The following TMCC3 variants were observed in gnomAD, a reference collection of about 807,000 sequenced individuals.
TMCC3 encodes the protein transmembrane and coiled-coil domain family 3.
A neutral mutation model predicts 40.2 loss-of-function variants in TMCC3; 28 were observed. The ratio of observed to expected loss-of-function variants is 0.70; its 90% CI spans 0.52 to 0.95. The LOEUF is 0.95. Among genes scored for constraint, TMCC3 ranks in the 40% least tolerant of loss-of-function variants. The pLI is 0.00. For missense variants in TMCC3, 554 were observed against 615.2 expected (o/e 0.90, Z 1.05); for synonymous variants, 255 against 248.5 (o/e 1.03, Z -0.25).
chr12:94,645,360 T>G (rs950982610), intron 1 of TMCC3, among the ~76,000 whole-genome samples: 28 of 152,336 alleles, frequency 1.8e-4, no homozygotes, highest in Admixed American at 1.6e-3. Flanking sequence ...CACAAATCCC[T>G]CTTTCATATA....
rs544630403 is a variant in TMCC3 at position 94,625,669 on chromosome 12, CCA to C, written c.78+24682_78+24683del. On this transcript the variant is annotated intron_variant, in intron 1 of 3. Coordinates refer to ENST00000261226, the MANE Select transcript of TMCC3 (RefSeq NM_020698.4). Reference sequence around the variant, plus strand: ...AGTCTCACCGTGAACGAAGGTGTCACCACACACAATTTTTCTAACAGAAAAGT... The same window carrying C: ...AGTCTCACCGTGAACGAAGGTGTCACCACACAATTTTTCTAACAGAAAAGT... Among the ~76,000 whole-genome samples the C allele has an allele frequency of 3.0e-3, 449 of 151,570 alleles. 8 individuals are homozygous for C. The highest frequency in any genetic ancestry group is 0.01 in the African/African-American group (425 of 41,270).
intron 1 of TMCC3, among the ~76,000 whole-genome samples, chr12:94,601,808 C>CAAAAAAAAAAAAA (rs61372290): frequency 1.2e-4 from 9 of 76,700 alleles, no homozygotes; most frequent in Admixed American, 1.6e-4. Flanking sequence ...GACCTGGTCT[C>CAAAAAAAAAAAAA]AAAAAAAAAA....
intron 1 of TMCC3, among the ~76,000 whole-genome samples, chr12:94,604,014 C>G (rs1301098234): frequency 6.6e-6 from 1 of 152,160 alleles, no homozygotes; most frequent in Non-Finnish European, 1.5e-5. Context: ...ATGACACTGT[C>G]TCATAAATAT....
chr12:94,630,627 C>T (rs932443151), intron 1 of TMCC3, among the ~76,000 whole-genome samples: 17 of 152,196 alleles, frequency 1.1e-4, no homozygotes, highest in African/African-American at 4.1e-4. Flanking sequence ...GGCACTCCTA[C>T]CCATTTATGC....
At chr12:94,642,975 G>A (rs569953488) in intron 1 of TMCC3, among the ~76,000 whole-genome samples, 34 of 152,190 alleles carry the variant, frequency 2.2e-4, no homozygotes, top group African/African-American at 7.2e-4. Flanking sequence ...GGCGGATCAC[G>A]AGGTCAGGAG....
rs1037632163 is a variant in TMCC3 at position 94,615,607 on chromosome 12, T to A, written c.79-33069A>T. Among the ~76,000 whole-genome samples, 8 of 152,220 alleles carry A rather than the reference T, an allele frequency of 5.3e-5. No individual in the cohort carries two copies. The East Asian group carries it at 7.7e-4, about 15-fold the overall frequency. On this transcript the variant is annotated intron_variant, in intron 1 of 3. Coordinates refer to ENST00000261226, the MANE Select transcript of TMCC3 (RefSeq NM_020698.4). ...CCAGGGAGGTGGGAGGAGACCTGGCTCTTCTCCAGCCAGTAGCTGGCACAA... is the reference window on the plus strand; with the variant it reads ...CCAGGGAGGTGGGAGGAGACCTGGCACTTCTCCAGCCAGTAGCTGGCACAA...
At position 94,567,559 on chromosome 12, in the gene TMCC3, T is replaced by A. The variant is rs923589450; in HGVS notation, c.*3876A>T. 2 of 106,890 alleles carry A rather than the reference T, an allele frequency of 1.9e-5. No individual in the cohort carries two copies. The highest frequency in any genetic ancestry group is 4.9e-5 in the Non-Finnish European group (2 of 40,438). The allele number at this position is 106,890 out of a possible 1,614,324, so 6.6% of individuals were successfully genotyped here. ...TATAGGTTAGTTCTGTTTCATATCT[T>A]TTTTTTTTAGCATCTTATCTAGTTT... On this transcript the variant is annotated 3_prime_UTR_variant, in exon 4 of 4. Coordinates refer to ENST00000261226, the MANE Select transcript of TMCC3 (RefSeq NM_020698.4).
At chr12:94,592,661 C>CAAAAAAAAAAAAAAAAAAAAAAA (rs869058316) in intron 1 of TMCC3, among the ~76,000 whole-genome samples, 315 of 27,472 alleles carry the variant, frequency 0.011, 53 homozygotes, top group Non-Finnish European at 0.014. Flanking sequence ...GGCTCCATCT[C>CAAAAAAAAAAAAAAAAAAAAAAA]AAAAAAAAAA....
intron 1 of TMCC3, among the ~76,000 whole-genome samples, chr12:94,635,314 T>G (rs1214458485): frequency 6.6e-6 from 1 of 152,138 alleles, no homozygotes; most frequent in Non-Finnish European, 1.5e-5. Flanking sequence ...GAAGCAGTAG[T>G]CCTGTGACCT....
chr12:94,635,604 T>C (rs1279367655), intron 1 of TMCC3, among the ~76,000 whole-genome samples: 1 of 152,020 alleles, frequency 6.6e-6, no homozygotes, highest in Non-Finnish European at 1.5e-5. Context: ...AGCCTTTTGG[T>C]CTTTCCTTAC....
chr12:94,571,268 T>G lies in TMCC3; in HGVS notation c.*167A>C. On this transcript the variant is annotated 3_prime_UTR_variant, in exon 4 of 4. Transcript: ENST00000261226. ...GTGTTAACGAAGTACAAGGACTGAG[T>G]TGGCAACTGCTACGGAGTTAAGAGA... The G allele has an allele frequency of 1.4e-6, 1 of 695,606 alleles. No individual in the cohort carries two copies. The highest frequency in any genetic ancestry group is 2.4e-6 in the Non-Finnish European group (1 of 424,150). The allele number at this position is 695,606 out of a possible 1,614,324, so 43.1% of individuals were successfully genotyped here.
intron 1 of TMCC3, among the ~76,000 whole-genome samples, chr12:94,634,507 T>G (rs879113044): frequency 6.6e-6 from 1 of 152,232 alleles, no homozygotes; most frequent in Admixed American, 6.5e-5. Flanking sequence ...TTTTAAGTCT[T>G]TCTTTAAAAA....
At chr12:94,650,261 G>T in intron 1 of TMCC3, 92 bp downstream of exon 1, 3 of 805,510 alleles carry the variant, frequency 3.7e-6, no homozygotes, top group Non-Finnish European at 4.8e-6. Context: ...GCGAAACGCC[G>T]GGGGCGCGTG....
Position 94,581,627 on chromosome 12 carries a change from T to C in TMCC3, c.990A>G (p.Arg330=). 1.3e-6 allele frequency: 2 copies of C among 1,514,226 alleles called. No homozygotes were observed. The highest frequency in any genetic ancestry group is 1.3e-5 in the South Asian group (1 of 75,708). 93.8% of individuals were successfully genotyped at this position (1,514,226 alleles called of 1,614,324 possible). Residue 330 remains arginine (R), a synonymous_variant, in exon 2 of 4, where the codon AGA becomes AGG. Transcript: ENST00000261226. The stretch of plus-strand genomic sequence containing the variant: ...AATGGAATACTTTGAAATACCTGTA[T>C]CTTTCCTCTTGCAGGGTCTGAGAAA... ...GFISQTLQEE[R]YRYERLEDQL...
intron 1 of TMCC3, among the ~76,000 whole-genome samples, chr12:94,599,570 C>CA (rs1555283534): frequency 2.7e-5 from 4 of 146,360 alleles, no homozygotes; most frequent in African/African-American, 7.5e-5. Flanking sequence ...CCCCCCCCGC[C>CA]CACACACACA....
chr12:94,589,504 C>T (rs776465318), intron 1 of TMCC3, among the ~76,000 whole-genome samples: 4 of 149,774 alleles, frequency 2.7e-5, no homozygotes, highest in Non-Finnish European at 4.5e-5. Context: ...TACATGCCCA[C>T]GAGGTAAAAT....
At chr12:94,590,236 G>A (rs7306874) in intron 1 of TMCC3, among the ~76,000 whole-genome samples, 92,021 of 145,678 alleles carry the variant, frequency 0.63, 29,151 homozygotes, top group Admixed American at 0.66. Context: ...TGGGATTACA[G>A]GTGAGTGCCA....
At chr12:94,629,928 C>A (rs559885572) in intron 1 of TMCC3, among the ~76,000 whole-genome samples, 1 of 152,100 alleles carries the variant, frequency 6.6e-6, no homozygotes, top group Non-Finnish European at 1.5e-5. Context: ...GTTATATATG[C>A]CCATTTAACA....
chr12:94,599,857 T>C (rs2138848197), intron 1 of TMCC3, among the ~76,000 whole-genome samples: 1 of 152,348 alleles, frequency 6.6e-6, no homozygotes, highest in South Asian at 2.1e-4. Context: ...TATAACTTGC[T>C]ACTTCCTCTA....
Sources: gnomAD v4.1 joint callset for allele counts (sites outside exome capture counted in the v4.1 genomes callset) on GRCh38, gnomAD v4.1.1 for gene constraint, MANE v1.5 for transcripts, NCBI Gene and HGNC (gene_info 2026-07-23, HGNC 2026-07-21) for gene names.